The following CHD9 variants were observed in gnomAD, a reference collection of about 807,000 sequenced individuals.
CHD9 encodes the protein ATP-dependent chromatin remodeler CHD9.
Under a neutral mutation model 316.1 loss-of-function variants are expected in CHD9, and 77 were observed. The ratio of observed to expected loss-of-function variants is 0.24; its 90% CI spans 0.20 to 0.29. The LOEUF (loss-of-function observed/expected upper bound fraction) is 0.29, where lower values mean the gene tolerates loss of function less well. Ranked by LOEUF, CHD9 falls within the 10% of genes least tolerant of loss-of-function variation. CHD9 has a pLI of 1.00. For synonymous variants in CHD9, 1,129 were observed against 1,158.3 expected, an observed-to-expected ratio of 0.97 and a Z score of 0.51; for missense variants, 2,763 against 3,438.1, an observed-to-expected ratio of 0.80 and a Z score of 4.91.
At chr16:53,162,743 A>T (rs2041999818) in intron 2 of CHD9, among the ~76,000 whole-genome samples, 1 of 151,770 alleles carries the variant, frequency 6.6e-6, no homozygotes, top group Admixed American at 6.6e-5. Flanking sequence ...CTTAAAAAAA[A>T]CTTGTAAAAG....
At chr16:53,313,704 GGAGGCC>G (rs377483051) in intron 34 of CHD9, among the ~76,000 whole-genome samples, 46,639 of 151,120 alleles carry the variant, frequency 0.31, 7,289 homozygotes, top group Middle Eastern at 0.38. Context: ...TAGCACTTTG[GGAGGCC>G]GAGGCCGAGG....
intron 1 of CHD9, among the ~76,000 whole-genome samples, chr16:53,082,478 T>C (rs1037785380): frequency 6.6e-6 from 1 of 152,196 alleles, no homozygotes; most frequent in African/African-American, 2.4e-5. Context: ...TAGGCTCAGG[T>C]GATCTTCCCA....
intron 1 of CHD9, among the ~76,000 whole-genome samples, chr16:53,125,462 C>T (rs1276702399): frequency 6.6e-6 from 1 of 152,128 alleles, no homozygotes; most frequent in Non-Finnish European, 1.5e-5. Flanking sequence ...TCTCGAACTC[C>T]TGATCTCAGG....
chr16:53,087,040 C>G (rs184416465), intron 1 of CHD9, among the ~76,000 whole-genome samples: 1 of 152,156 alleles, frequency 6.6e-6, no homozygotes, highest in Non-Finnish European at 1.5e-5. Context: ...ATTATTACTA[C>G]GAAACTGTCA....
intron 38 of CHD9, among the ~76,000 whole-genome samples, chr16:53,323,291 C>T (rs961495107): frequency 2.0e-5 from 3 of 152,168 alleles, no homozygotes; most frequent in East Asian, 3.9e-4. Flanking sequence ...TCTGTTTTAC[C>T]TATTTTAAAT....
intron 1 of CHD9, among the ~76,000 whole-genome samples, chr16:53,093,854 C>T (rs536338711): frequency 8.5e-5 from 13 of 152,222 alleles, no homozygotes; most frequent in African/African-American, 3.1e-4. Context: ...ATGGAAGCAG[C>T]TCTCAGAGCC....
intron 1 of CHD9, among the ~76,000 whole-genome samples, chr16:53,100,527 T>A (rs1046077172): frequency 1.4e-5 from 2 of 147,236 alleles, no homozygotes; most frequent in East Asian, 4.2e-4. Flanking sequence ...TGGCTGATCA[T>A]AGCTCAGTGA....
At chr16:53,129,401 A>G (rs140571239) in intron 1 of CHD9, among the ~76,000 whole-genome samples, 9 of 152,218 alleles carry the variant, frequency 5.9e-5, no homozygotes, top group South Asian at 2.1e-4. Flanking sequence ...TGTGGTTGTT[A>G]TAAGTATCCT....
chr16:53,320,198 TA>T (rs558919362), intron 37 of CHD9, among the ~76,000 whole-genome samples: 315 of 126,886 alleles, frequency 2.5e-3, no homozygotes, highest in Middle Eastern at 8.3e-3. Flanking sequence ...TGAGTCTCTT[TA>T]AAAAAAAAAA....
At chr16:53,134,866 A>C (rs1017194699) in intron 1 of CHD9, among the ~76,000 whole-genome samples, 22 of 152,224 alleles carry the variant, frequency 1.4e-4, no homozygotes, top group Non-Finnish European at 1.0e-4. Context: ...TATTAAGTGC[A>C]TAATAAGTGA....
chr16:53,077,148 T>C (rs1241196104), intron 1 of CHD9, among the ~76,000 whole-genome samples: 2 of 151,210 alleles, frequency 1.3e-5, no homozygotes, highest in Non-Finnish European at 2.9e-5. Flanking sequence ...CCACCACGCC[T>C]AACTAATTTT....
At chr16:53,193,397 C>T (rs990558200) in intron 2 of CHD9, among the ~76,000 whole-genome samples, 48 of 151,678 alleles carry the variant, frequency 3.2e-4, no homozygotes, top group Non-Finnish European at 1.5e-4. Flanking sequence ...TGCAGTGAGC[C>T]GAGATCACGC....
intron 1 of CHD9, among the ~76,000 whole-genome samples, chr16:53,071,878 C>T (rs985702667): frequency 2.6e-5 from 4 of 152,200 alleles, no homozygotes; most frequent in African/African-American, 4.8e-5. Context: ...AGCATTTCAA[C>T]GGCAGGCCTT....
At chr16:53,096,995 G>C (rs2036430654) in intron 1 of CHD9, among the ~76,000 whole-genome samples, 1 of 151,932 alleles carries the variant, frequency 6.6e-6, no homozygotes. Flanking sequence ...CATTAGGGCA[G>C]AGCCCTCATG....
rs545017695 is a variant in CHD9, at chr16:53,108,810, G to C, written c.-164-47116G>C. On this transcript the variant is annotated intron_variant, in intron 1 of 38. Coordinates refer to ENST00000447540, the MANE Select transcript of CHD9 (RefSeq NM_001308319.2). ...GAATCACTTGAACCCCAGAGGCGGA[G>C]GTTGCAGTGAGCTGAGATCGATCCA... Among the ~76,000 whole-genome samples the C allele has an allele frequency of 1.1e-3, 160 of 151,970 alleles. 1 individual carries two copies. The highest frequency in any genetic ancestry group is 3.8e-3 in the African/African-American group (156 of 41,424).
At chr16:53,262,956 T>A (rs756763511) in intron 19 of CHD9, 31 bp from the exon 20 acceptor site, 75 of 1,532,792 alleles carry the variant, frequency 4.9e-5, no homozygotes, top group Non-Finnish European at 5.8e-5. Context: ...TTGATAGATT[T>A]TTCCTCTAAA....
rs199822141 is a variant in CHD9, at chr16:53,185,700, G to C, written c.1453-23782G>C. Among the ~76,000 whole-genome samples, 20 of 152,304 alleles carry C rather than the reference G, an allele frequency of 1.3e-4. No homozygotes were observed. In the East Asian group the frequency reaches 3.7e-3, roughly 28 times the overall value. The stretch of plus-strand genomic sequence containing the variant: ...AGGGAAAAATGTTTTCTTGGGCTGG[G>C]TCCAGTGCCTCCCTGCTGTGTGCAG... On this transcript the variant is annotated intron_variant, in intron 2 of 38. Coordinates refer to ENST00000447540, the MANE Select transcript of CHD9 (RefSeq NM_001308319.2).
intron 1 of CHD9, among the ~76,000 whole-genome samples, chr16:53,056,928 G>A (rs967782605): frequency 1.3e-5 from 2 of 151,976 alleles, no homozygotes; most frequent in African/African-American, 4.8e-5. Flanking sequence ...CAGGAGGATC[G>A]CTTGAGGCTA....
At chr16:53,219,613 C>T (rs1198875543) in intron 3 of CHD9, among the ~76,000 whole-genome samples, 2 of 152,114 alleles carry the variant, frequency 1.3e-5, no homozygotes, top group East Asian at 1.9e-4. Context: ...AACAGTTACA[C>T]GTTAGGACTT....
Sources: gnomAD v4.1 joint callset for allele counts (sites outside exome capture counted in the v4.1 genomes callset) on GRCh38, gnomAD v4.1.1 for gene constraint, MANE v1.5 for transcripts, NCBI Gene and HGNC (gene_info 2026-07-23, HGNC 2026-07-21) for gene names.